IL1RAPL1: variants seen among roughly 807,000 people sequenced by gnomAD.
The protein encoded by IL1RAPL1 is interleukin-1 receptor accessory protein-like 1.
In IL1RAPL1, 3 loss-of-function variants were observed where a neutral mutation model predicts 48.4. That is an observed-to-expected ratio of 0.06 (90% CI 0.03 to 0.16). The LOEUF (loss-of-function observed/expected upper bound fraction) is 0.16. IL1RAPL1 is among the 10% of genes least tolerant of loss of function. The pLI is 1.00. For missense variants in IL1RAPL1, 349 were observed against 530.6 expected (o/e 0.66, Z 3.36); for synonymous variants, 185 against 187.7 (o/e 0.99, Z 0.12).
At chrX:29,597,925 G>C (rs779820792) in intron 5 of IL1RAPL1, among the ~76,000 whole-genome samples, 1 of 111,735 alleles carries the variant, frequency 8.9e-6, no homozygotes, top group Non-Finnish European at 1.9e-5. Context: ...TCTTCTTTTC[G>C]TGGTTAGTTT....
chrX:29,070,396 C>T (rs886422291), intron 2 of IL1RAPL1, among the ~76,000 whole-genome samples: 3 of 111,770 alleles, frequency 2.7e-5, no homozygotes, highest in African/African-American at 6.5e-5. Flanking sequence ...TTAACACCTT[C>T]ACCATTCCTC....
intron 6 of IL1RAPL1, among the ~76,000 whole-genome samples, chrX:29,778,656 A>C (rs1252627971): frequency 8.9e-6 from 1 of 112,062 alleles, no homozygotes; most frequent in Non-Finnish European, 1.9e-5. Context: ...GATGCCAGAA[A>C]ACTCTCCAAT....
chrX:28,815,314 A>G (rs1365156840), intron 2 of IL1RAPL1, among the ~76,000 whole-genome samples: 1 of 108,977 alleles, frequency 9.2e-6, no homozygotes, highest in East Asian at 2.9e-4. Context: ...TGAATTCTAG[A>G]TTGATGTTTT....
At chrX:29,508,008 G>A (rs748300421) in intron 5 of IL1RAPL1, among the ~76,000 whole-genome samples, 3 of 111,637 alleles carry the variant, frequency 2.7e-5, no homozygotes, top group Non-Finnish European at 5.6e-5. Context: ...AATGCTATAA[G>A]ATTTAGGGAC....
chrX:29,886,500 G>T (rs1405538076), intron 6 of IL1RAPL1, among the ~76,000 whole-genome samples: 1 of 111,929 alleles, frequency 8.9e-6, no homozygotes, highest in Non-Finnish European at 1.9e-5. Context: ...CTTAGGCATT[G>T]AATTATAATC....
At position 29,391,969 on chromosome X, in the gene IL1RAPL1, G is replaced by A. The variant is rs140062034; in HGVS notation, c.363-4289G>A. 8.2e-4 allele frequency among the ~76,000 whole-genome samples: 92 copies of A among 112,269 alleles called. No homozygotes were observed. In the East Asian group the frequency reaches 0.019, roughly 23 times the overall value. On this transcript the variant is annotated intron_variant, in intron 3 of 10. Coordinates refer to ENST00000378993, the MANE Select transcript of IL1RAPL1 (RefSeq NM_014271.4). ...CATTGAAAGAAGTAACTTTATGTTA[G>A]TTGTTTCTCCAATATGTTGTGTGTG...
intron 5 of IL1RAPL1, among the ~76,000 whole-genome samples, chrX:29,549,433 T>C (rs1383609064): frequency 9.0e-6 from 1 of 111,602 alleles, no homozygotes; most frequent in Non-Finnish European, 1.9e-5. Context: ...CTGTTGTAAT[T>C]GATCTATTTT....
chrX:28,676,172 C>T (rs57463487), intron 1 of IL1RAPL1, among the ~76,000 whole-genome samples: 1,285 of 111,283 alleles, frequency 0.012, 16 homozygotes, highest in African/African-American at 0.033. Flanking sequence ...TTTTAATCTA[C>T]GATATGATCA....
At chrX:29,047,819 G>A (rs777742971) in intron 2 of IL1RAPL1, among the ~76,000 whole-genome samples, 1 of 109,802 alleles carries the variant, frequency 9.1e-6, no homozygotes, top group Non-Finnish European at 1.9e-5. Flanking sequence ...TGCCTCCTGG[G>A]TTCAAGCGAT....
intron 5 of IL1RAPL1, among the ~76,000 whole-genome samples, chrX:29,444,709 G>T (rs1312920206): frequency 8.9e-6 from 1 of 111,782 alleles, no homozygotes; most frequent in African/African-American, 3.3e-5. Flanking sequence ...TATTGATGCA[G>T]TTTATTTTAT....
At chrX:29,049,054 G>A (rs886689868) in intron 2 of IL1RAPL1, among the ~76,000 whole-genome samples, 2 of 112,177 alleles carry the variant, frequency 1.8e-5, no homozygotes, top group African/African-American at 3.2e-5. Context: ...ATATGATAGG[G>A]TGTTTGTGAC....
intron 2 of IL1RAPL1, among the ~76,000 whole-genome samples, chrX:28,935,709 T>G (rs1923999781): frequency 8.9e-6 from 1 of 112,034 alleles, no homozygotes; most frequent in East Asian, 2.8e-4. Context: ...CTGGTTTATC[T>G]TCTGGAGGGT....
intron 3 of IL1RAPL1, among the ~76,000 whole-genome samples, chrX:29,324,814 C>T (rs140588744): frequency 0.043 from 4,739 of 111,136 alleles, 241 homozygotes; most frequent in African/African-American, 0.15. Context: ...CTTTGGGGTA[C>T]TGCTTCCTGT....
rs772007986 is a variant in IL1RAPL1 at position 29,865,437 on chromosome X, G to GAA, written c.779-52024_779-52023dup. 3.6e-5 allele frequency among the ~76,000 whole-genome samples: 4 copies of GAA among 111,108 alleles called. No homozygotes were observed. The East Asian group carries it at 1.1e-3, about 32-fold the overall frequency. On this transcript the variant is annotated intron_variant, in intron 6 of 10. Coordinates refer to ENST00000378993, the MANE Select transcript of IL1RAPL1 (RefSeq NM_014271.4). ...AAAGTTGTGTACGTGAATGATACTG[G>GAA]AAAATTCAATGATAGCCTTTTTGTC...
chrX:29,461,223 A>G lies in IL1RAPL1; in HGVS notation c.703+61915A>G, dbSNP rs139935585. ...TTAGGGAAATGCAAATTAAAACCACATAGAAATACCACATTGCACCCACTA... is the reference window on the plus strand; with the variant it reads ...TTAGGGAAATGCAAATTAAAACCACGTAGAAATACCACATTGCACCCACTA... On this transcript the variant is annotated intron_variant, in intron 5 of 10. Coordinates refer to ENST00000378993, the MANE Select transcript of IL1RAPL1 (RefSeq NM_014271.4). Among the ~76,000 whole-genome samples, 296 of 111,864 alleles carry G rather than the reference A, an allele frequency of 2.6e-3. 2 individuals carry two copies. Among genetic ancestry groups the G allele is most frequent in the African/African-American group, 9.0e-3 (279 of 30,878 alleles).
chrX:29,627,255 G>A (rs890373245), intron 5 of IL1RAPL1, among the ~76,000 whole-genome samples: 7 of 112,250 alleles, frequency 6.2e-5, no homozygotes, highest in African/African-American at 1.9e-4. Context: ...GAGGCTGTAC[G>A]TGAAGGCCCT....
At chrX:28,740,708 C>T (rs1023306467) in intron 1 of IL1RAPL1, among the ~76,000 whole-genome samples, 2 of 111,257 alleles carry the variant, frequency 1.8e-5, no homozygotes, top group African/African-American at 6.5e-5. Context: ...TCCATGTGTA[C>T]TCAATGTTTA....
intron 2 of IL1RAPL1, among the ~76,000 whole-genome samples, chrX:29,180,618 C>T (rs1224957417): frequency 1.8e-5 from 2 of 110,959 alleles, no homozygotes; most frequent in Non-Finnish European, 3.8e-5. Flanking sequence ...CTCAGGTGAT[C>T]TGCCCACCTT....
intron 5 of IL1RAPL1, among the ~76,000 whole-genome samples, chrX:29,497,473 A>G (rs1326998382): frequency 9.0e-6 from 1 of 111,571 alleles, no homozygotes; most frequent in Non-Finnish European, 1.9e-5. Flanking sequence ...CTACATGGCA[A>G]TTAATTATTT....
Sources: allele counts gnomAD v4.1 joint callset (sites outside exome capture counted in the v4.1 genomes callset), GRCh38; gene constraint gnomAD v4.1.1; transcripts MANE v1.5; gene names NCBI Gene and HGNC (gene_info 2026-07-23, HGNC 2026-07-21).